Variants in MGAT4A observed in about 807,000 individuals in gnomAD.
MGAT4A encodes the protein alpha-1,3-mannosyl-glycoprotein 4-beta-N-acetylglucosaminyltransferase A.
MGAT4A carries 33 observed loss-of-function variants against 74.1 expected under a neutral mutation model. The ratio of observed to expected loss-of-function variants is 0.45; its 90% CI spans 0.34 to 0.60. The LOEUF (loss-of-function observed/expected upper bound fraction) is 0.60. Among genes scored for constraint, MGAT4A ranks in the 20% least tolerant of loss-of-function variants. The probability of loss-of-function intolerance (pLI) is 0.02; values close to 1 mark genes in which losing one functional copy is unlikely to be tolerated. For synonymous variants in MGAT4A, 198 were observed against 210.4 expected (o/e 0.94, Z 0.51); for missense variants, 479 against 628.3 (o/e 0.76, Z 2.54).
intron 10 of MGAT4A, among the ~76,000 whole-genome samples, chr2:98,641,701 T>C (rs1217462401): frequency 6.9e-6 from 1 of 144,948 alleles, no homozygotes; most frequent in African/African-American, 2.6e-5. Context: ...GAAAAAAAAA[T>C]ACAAAAATTA....
chr2:98,680,023 A>G (rs1378710665), intron 2 of MGAT4A, among the ~76,000 whole-genome samples: 2 of 150,950 alleles, frequency 1.3e-5, no homozygotes. Context: ...TTGACACCTA[A>G]ACAAACCTTA....
At chr2:98,730,509 A>G (rs1338816627) in intron 1 of MGAT4A, among the ~76,000 whole-genome samples, 2 of 152,172 alleles carry the variant, frequency 1.3e-5, no homozygotes, top group African/African-American at 2.4e-5. Context: ...CCTCGGGAGC[A>G]GCCCCTGCCC....
chr2:98,662,716 T>A (rs1457501028), intron 5 of MGAT4A, among the ~76,000 whole-genome samples: 1 of 152,226 alleles, frequency 6.6e-6, no homozygotes, highest in Non-Finnish European at 1.5e-5. Context: ...AAACCCCAGC[T>A]GAGCCTAAAC....
At chr2:98,712,106 G>A (rs1034931314) in intron 2 of MGAT4A, among the ~76,000 whole-genome samples, 9 of 151,934 alleles carry the variant, frequency 5.9e-5, no homozygotes, top group Admixed American at 4.6e-4. Flanking sequence ...TCCATCCTTC[G>A]TGCATCTGGA....
chr2:98,701,474 C>T (rs899489461), intron 2 of MGAT4A, among the ~76,000 whole-genome samples: 2 of 152,192 alleles, frequency 1.3e-5, no homozygotes, highest in African/African-American at 4.8e-5. Flanking sequence ...AGTCCCCTCT[C>T]ATATGTCGGC....
At chr2:98,649,106 C>G (rs977784055) in intron 8 of MGAT4A, among the ~76,000 whole-genome samples, 3 of 152,142 alleles carry the variant, frequency 2.0e-5, no homozygotes, top group African/African-American at 2.4e-5. Flanking sequence ...AAATGACCAA[C>G]AAGAAGGTTG....
intron 7 of MGAT4A, 145 bp downstream of exon 7, chr2:98,656,207 C>A: frequency 1.6e-6 from 1 of 607,884 alleles, no homozygotes; most frequent in Non-Finnish European, 2.9e-6. Flanking sequence ...ACATTATTTC[C>A]AAGCGGTCCT....
chr2:98,649,653 G>A (rs571405483), intron 8 of MGAT4A, among the ~76,000 whole-genome samples: 15 of 151,996 alleles, frequency 9.9e-5, no homozygotes, highest in Non-Finnish European at 4.4e-5. Context: ...TACCAACAAG[G>A]CCACAGTGCT....
At chr2:98,647,494 T>G (rs1032120926) in intron 8 of MGAT4A, among the ~76,000 whole-genome samples, 1 of 152,082 alleles carries the variant, frequency 6.6e-6, no homozygotes, top group Non-Finnish European at 1.5e-5. Context: ...TTTTTTTGTA[T>G]TTTTAGTAGA....
intron 12 of MGAT4A, 137 bp downstream of exon 12, chr2:98,639,671 T>C (rs1701376441): frequency 9.9e-6 from 6 of 604,682 alleles, no homozygotes; most frequent in Non-Finnish European, 1.4e-5. Flanking sequence ...TTGTTTTACA[T>C]GTAATTTAAA....
At chr2:98,671,319 A>G (rs1022364118) in intron 4 of MGAT4A, among the ~76,000 whole-genome samples, 3 of 152,166 alleles carry the variant, frequency 2.0e-5, no homozygotes, top group African/African-American at 7.2e-5. Flanking sequence ...ATCCTCAACC[A>G]TTCTTCCCAT....
intron 2 of MGAT4A, among the ~76,000 whole-genome samples, chr2:98,682,880 T>G (rs560986362): frequency 2.6e-5 from 4 of 151,902 alleles, no homozygotes; most frequent in Non-Finnish European, 4.4e-5. Context: ...GGTCAGGAGA[T>G]CGAGACCATC....
At position 98,658,269 on chromosome 2, in the gene MGAT4A, G is replaced by GAAAAAA; in HGVS notation, c.538-6_538-5insTTTTTT. The GAAAAAA allele has an allele frequency of 1.3e-6, 2 of 1,532,540 alleles. No homozygotes were observed. Among genetic ancestry groups the GAAAAAA allele is most frequent in the Admixed American group, 2.0e-5 (1 of 49,640 alleles). The allele number at this position is 1,532,540 out of a possible 1,614,324, so 94.9% of individuals were successfully genotyped here. On this transcript the variant is annotated splice_polypyrimidine_tract_variant and splice_region_variant and intron_variant, in intron 5 of 15. Transcript: ENST00000393487. ...ATGTACATAATCAATATCTGTCTGG[G>GAAAAAA]AAAGAAAAAAAATGTATCTATATTC...
At chr2:98,709,777 G>A (rs1253222424) in intron 2 of MGAT4A, among the ~76,000 whole-genome samples, 1 of 152,180 alleles carries the variant, frequency 6.6e-6, no homozygotes, top group African/African-American at 2.4e-5. Context: ...AAACAAAGGG[G>A]TAAATTCAAG....
chr2:98,650,014 A>G (rs567870498), intron 8 of MGAT4A, among the ~76,000 whole-genome samples: 2 of 152,370 alleles, frequency 1.3e-5, no homozygotes, highest in East Asian at 3.9e-4. Context: ...AAAAGAGAGC[A>G]GAGACAGACA....
At chr2:98,669,435 C>T (rs923580346) in intron 4 of MGAT4A, among the ~76,000 whole-genome samples, 1 of 152,144 alleles carries the variant, frequency 6.6e-6, no homozygotes, top group East Asian at 1.9e-4. Context: ...GCCCCAGCCA[C>T]GTGGAACTGT....
Position 98,624,834 on chromosome 2 carries a change from G to A in MGAT4A, c.*732C>T, listed in dbSNP as rs1204973768. The A allele has an allele frequency of 1.0e-6, 1 of 985,408 alleles. No individual in the cohort carries two copies. The highest frequency in any genetic ancestry group is 1.7e-5 in the African/African-American group (1 of 57,240). 61.0% of individuals were successfully genotyped at this position (985,408 alleles called of 1,614,324 possible). ...CACAGTATAGTAAAGTAACCCTCAG[G>A]AAGGACATTAGTCTTTAAAATCTTG... is the stretch of plus-strand genomic sequence containing the variant. On this transcript the variant is annotated 3_prime_UTR_variant, in exon 16 of 16. Coordinates refer to ENST00000393487, the MANE Select transcript of MGAT4A (RefSeq NM_012214.3).
intron 5 of MGAT4A, among the ~76,000 whole-genome samples, chr2:98,659,294 A>T (rs932644223): frequency 6.6e-6 from 1 of 152,218 alleles, no homozygotes; most frequent in East Asian, 1.9e-4. Context: ...AACAGGGTGG[A>T]GCACAGGTGA....
rs1203251558 is a variant in MGAT4A, at chr2:98,623,288, G to A, written c.*2278C>T. The A allele has an allele frequency of 1.0e-6, 1 of 985,298 alleles. No homozygotes were observed. The highest frequency in any genetic ancestry group is 1.1e-4 in the East Asian group (1 of 8,826). The allele number at this position is 985,298 out of a possible 1,614,324, so 61.0% of individuals were successfully genotyped here. On this transcript the variant is annotated 3_prime_UTR_variant, in exon 16 of 16. Transcript: ENST00000393487. ...ATGAAAACAGGAAAAAGCTAGCCAG[G>A]CAGGCTGTCTTTAAAGAAGTTGTAA...
Sources: allele counts gnomAD v4.1 joint callset (sites outside exome capture counted in the v4.1 genomes callset), GRCh38; gene constraint gnomAD v4.1.1; transcripts MANE v1.5; gene names NCBI Gene and HGNC (gene_info 2026-07-23, HGNC 2026-07-21).